The following NFIA variants were observed in gnomAD, a reference collection of about 807,000 sequenced individuals.
The protein encoded by NFIA is nuclear factor I A, also known as nuclear factor 1 A-type.
NFIA carries 8 observed loss-of-function variants against 62.8 expected under a neutral mutation model. The ratio of observed to expected loss-of-function variants is 0.13; its 90% CI spans 0.07 to 0.23. The LOEUF is 0.23. Among genes scored for constraint, NFIA ranks in the 10% least tolerant of loss-of-function variants. NFIA has a pLI of 1.00. For synonymous variants in NFIA, 235 were observed against 238.1 expected, an observed-to-expected ratio of 0.99 and a Z score of 0.12; for missense variants, 410 against 642.1, an observed-to-expected ratio of 0.64 and a Z score of 3.91.
intron 2 of NFIA, among the ~76,000 whole-genome samples, chr1:61,149,964 A>G (rs1292351598): frequency 6.6e-6 from 1 of 152,152 alleles, no homozygotes; most frequent in Non-Finnish European, 1.5e-5. Context: ...AGGTCTAAAC[A>G]GGTTCCATCG....
At chr1:61,312,489 C>G (rs541125139) in intron 3 of NFIA, among the ~76,000 whole-genome samples, 1 of 151,230 alleles carries the variant, frequency 6.6e-6, no homozygotes, top group Non-Finnish European at 1.5e-5. Flanking sequence ...AATGTTGTGA[C>G]TTGGAAAAAA....
At chr1:61,346,777 C>T (rs570834164) in intron 4 of NFIA, among the ~76,000 whole-genome samples, 13 of 152,174 alleles carry the variant, frequency 8.5e-5, no homozygotes, top group East Asian at 5.8e-4. Context: ...AAGAAATACC[C>T]GAGACTGGGT....
intron 6 of NFIA, among the ~76,000 whole-genome samples, chr1:61,381,525 C>G (rs1005453971): frequency 2.0e-5 from 3 of 152,134 alleles, no homozygotes; most frequent in Non-Finnish European, 2.9e-5. Context: ...TAGAAAGGAT[C>G]TGATTCAAAT....
intron 2 of NFIA, among the ~76,000 whole-genome samples, chr1:61,202,420 G>A (rs1312338659): frequency 6.6e-6 from 1 of 152,054 alleles, no homozygotes; most frequent in Non-Finnish European, 1.5e-5. Flanking sequence ...CTTGTTTAAG[G>A]ATTTATTTGT....
At chr1:61,157,553 A>C (rs987304884) in intron 2 of NFIA, among the ~76,000 whole-genome samples, 1 of 152,210 alleles carries the variant, frequency 6.6e-6, no homozygotes, top group Non-Finnish European at 1.5e-5. Context: ...AGGAATGTTG[A>C]GTTTGGAAAC....
At chr1:61,305,210 G>T (rs192420779) in intron 3 of NFIA, among the ~76,000 whole-genome samples, 1 of 152,224 alleles carries the variant, frequency 6.6e-6, no homozygotes, top group African/African-American at 2.4e-5. Flanking sequence ...TAGGGAGCAG[G>T]AATGATTGAT....
intron 6 of NFIA, among the ~76,000 whole-genome samples, chr1:61,363,112 G>T (rs1663388040): frequency 6.6e-6 from 1 of 152,130 alleles, no homozygotes; most frequent in African/African-American, 2.4e-5. Flanking sequence ...CCTCTAAAGA[G>T]ATAAAAACTG....
chr1:61,241,930 A>G (rs1655374091), intron 2 of NFIA, among the ~76,000 whole-genome samples: 1 of 152,186 alleles, frequency 6.6e-6, no homozygotes, highest in African/African-American at 2.4e-5. Flanking sequence ...AGACAAGGCA[A>G]TACTTTCAAA....
At chr1:61,428,784 T>A (rs1666979372) in intron 10 of NFIA, among the ~76,000 whole-genome samples, 1 of 152,158 alleles carries the variant, frequency 6.6e-6, no homozygotes, top group African/African-American at 2.4e-5. Context: ...TAGAACATGG[T>A]CGGCAGATTT....
At chr1:61,135,512 C>T (rs1488066994) in intron 2 of NFIA, among the ~76,000 whole-genome samples, 1 of 152,136 alleles carries the variant, frequency 6.6e-6, no homozygotes, top group Non-Finnish European at 1.5e-5. Flanking sequence ...TCAAGCAATC[C>T]TCCCATGTCA....
intron 2 of NFIA, among the ~76,000 whole-genome samples, chr1:61,196,294 A>T (rs1651985237): frequency 6.6e-6 from 1 of 152,188 alleles, no homozygotes; most frequent in Admixed American, 6.5e-5. Flanking sequence ...CAGGGCAAAA[A>T]TTTGCATCCT....
intron 2 of NFIA, among the ~76,000 whole-genome samples, chr1:61,176,536 T>A (rs1307922522): frequency 1.3e-5 from 2 of 152,136 alleles, no homozygotes; most frequent in African/African-American, 4.8e-5. Flanking sequence ...ATTGCTTACT[T>A]CCACTTAAAG....
chr1:61,321,234 G>GT (rs1428316197), intron 3 of NFIA, among the ~76,000 whole-genome samples: 3 of 152,068 alleles, frequency 2.0e-5, no homozygotes, highest in Non-Finnish European at 4.4e-5. Context: ...TAAAGTAAGT[G>GT]TTTAAATTTT....
intron 2 of NFIA, among the ~76,000 whole-genome samples, chr1:61,233,400 G>A (rs1158813770): frequency 3.3e-5 from 5 of 152,136 alleles, no homozygotes; most frequent in Non-Finnish European, 5.9e-5. Context: ...CATAGGTGAC[G>A]GGAGAAAGTT....
intron 2 of NFIA, among the ~76,000 whole-genome samples, chr1:61,137,928 TTCTC>T (rs150282644): frequency 9.9e-5 from 15 of 150,882 alleles, no homozygotes; most frequent in African/African-American, 2.4e-4. Flanking sequence ...CACATTTTCT[TTCTC>T]TCTCTCTCTC....
At chr1:61,117,131 C>G (rs1471810380) in intron 2 of NFIA, among the ~76,000 whole-genome samples, 2 of 152,182 alleles carry the variant, frequency 1.3e-5, no homozygotes, top group African/African-American at 4.8e-5. Flanking sequence ...TTCACCCTCT[C>G]CAGCATGATT....
At chr1:61,127,266 G>C (rs747468348) in intron 2 of NFIA, among the ~76,000 whole-genome samples, 105 of 151,788 alleles carry the variant, frequency 6.9e-4, no homozygotes, top group Non-Finnish European at 1.4e-3. Flanking sequence ...GACCATCCTG[G>C]CTAACACTGT....
intron 3 of NFIA, among the ~76,000 whole-genome samples, chr1:61,329,724 T>G (rs1444259861): frequency 2.0e-5 from 3 of 152,210 alleles, no homozygotes; most frequent in South Asian, 4.1e-4. Context: ...GTGGGAACTG[T>G]ATCTTGTGCC....
chr1:61,191,980 C>T lies in NFIA; in HGVS notation c.560-85540C>T, dbSNP rs567788890. Among the ~76,000 whole-genome samples, 476 of 151,334 alleles carry T rather than the reference C, an allele frequency of 3.1e-3. 1 individual carries two copies. The highest frequency in any genetic ancestry group is 6.0e-3 in the Non-Finnish European group (406 of 67,898). On this transcript the variant is annotated intron_variant, in intron 2 of 10. Coordinates refer to ENST00000403491, the MANE Select transcript of NFIA (RefSeq NM_001134673.4). The stretch of plus-strand genomic sequence containing the variant: ...TGTTTTGTTTTTTGTTTTTTTTTGA[C>T]ATGGAGTCTTGCTCTGGTGCCCAGG...
Sources: gnomAD v4.1 joint callset for allele counts (sites outside exome capture counted in the v4.1 genomes callset) on GRCh38, gnomAD v4.1.1 for gene constraint, MANE v1.5 for transcripts, NCBI Gene and HGNC (gene_info 2026-07-23, HGNC 2026-07-21) for gene names.